Variants in MYT1L observed in about 807,000 individuals in gnomAD.
MYT1L encodes the protein myelin transcription factor 1-like protein.
A neutral mutation model predicts 126.7 loss-of-function variants in MYT1L; 12 were observed. The observed-to-expected ratio is 0.09, with a 90% CI of 0.06 to 0.15. The LOEUF (loss-of-function observed/expected upper bound fraction) is 0.15. MYT1L is among the 10% of genes least tolerant of loss of function. The pLI is 1.00. For synonymous variants in MYT1L, 541 were observed against 604.2 expected (o/e 0.90, Z 1.53); for missense variants, 979 against 1,585.2 (o/e 0.62, Z 6.49).
At chr2:2,234,827 C>G (rs539536639) in intron 2 of MYT1L, among the ~76,000 whole-genome samples, 46 of 152,324 alleles carry the variant, frequency 3.0e-4, no homozygotes, top group African/African-American at 1.1e-3. Flanking sequence ...ATTATTTAAA[C>G]AGGCTCTGAT....
At chr2:2,279,651 T>C (rs1193306050) in intron 2 of MYT1L, among the ~76,000 whole-genome samples, 2 of 152,140 alleles carry the variant, frequency 1.3e-5, no homozygotes, top group African/African-American at 4.8e-5. Flanking sequence ...ACCTGTTCCA[T>C]GCCCAGGTTG....
chr2:2,108,000 G>A (rs2078957023), intron 3 of MYT1L, among the ~76,000 whole-genome samples: 1 of 152,102 alleles, frequency 6.6e-6, no homozygotes. Context: ...CTAAGAAATC[G>A]GGGCATATGC....
chr2:2,186,487 T>C (rs1384120086), intron 2 of MYT1L, among the ~76,000 whole-genome samples: 1 of 152,238 alleles, frequency 6.6e-6, no homozygotes, highest in Non-Finnish European at 1.5e-5. Context: ...GAGAATCTCA[T>C]GCACCCATCC....
chr2:2,192,776 G>A (rs2092652491), intron 2 of MYT1L, among the ~76,000 whole-genome samples: 1 of 152,174 alleles, frequency 6.6e-6, no homozygotes, highest in East Asian at 1.9e-4. Flanking sequence ...GGTGATGGGA[G>A]CAGAGGCTGG....
At chr2:2,103,780 C>A (rs2078403340) in intron 3 of MYT1L, among the ~76,000 whole-genome samples, 2 of 152,248 alleles carry the variant, frequency 1.3e-5, no homozygotes, top group Admixed American at 6.5e-5. Context: ...GAAACAACAG[C>A]AAGATCTCAC....
Position 2,281,900 on chromosome 2 carries a change from G to A in MYT1L, c.-421+2504C>T, listed in dbSNP as rs562223406. 5.9e-5 allele frequency among the ~76,000 whole-genome samples: 9 copies of A among 152,228 alleles called. No homozygotes were observed. The East Asian group carries it at 1.5e-3, about 26-fold the overall frequency. On this transcript the variant is annotated intron_variant, in intron 2 of 24. Transcript: ENST00000647738. ...ATCTGTTCCTGGAAATATTCAAGAAGCAATAAAAAGGCTACTTTTTAGCGG... is the reference window on the plus strand; with the variant it reads ...ATCTGTTCCTGGAAATATTCAAGAAACAATAAAAAGGCTACTTTTTAGCGG...
At chr2:1,939,230 C>T (rs1215216840) in intron 9 of MYT1L, among the ~76,000 whole-genome samples, 3 of 152,194 alleles carry the variant, frequency 2.0e-5, no homozygotes, top group African/African-American at 2.4e-5. Flanking sequence ...TCTCAGGTCT[C>T]GTCTGTGCTT....
At chr2:2,069,252 G>A (rs1357517173) in intron 3 of MYT1L, among the ~76,000 whole-genome samples, 1 of 152,058 alleles carries the variant, frequency 6.6e-6, no homozygotes, top group Non-Finnish European at 1.5e-5. Flanking sequence ...GCCTTGGTGT[G>A]TGATGTTCCC....
In MYT1L at chr2:1,801,746, T is replaced by A. The variant is rs545876190; in HGVS notation, c.3226A>T (p.Asn1076Tyr). 6.2e-7 allele frequency: 1 copy of A among 1,612,664 alleles called. No individual in the cohort carries two copies. Among genetic ancestry groups the A allele is most frequent in the African/African-American group, 1.3e-5 (1 of 75,032 alleles). ...GCTTCCATCTGGGAATTGGATTCAT[T>A]TAGCTCCTTGATTTCTTCATCTAAC... ...KQLDEEIKEL[N>Y]ESNSQMEADM... The change falls in exon 23 of 25, where the codon AAT becomes TAT. Residue 1076 changes from asparagine to tyrosine, a missense_variant. By Grantham distance (143) the Asn-to-Tyr change is moderately radical. This residue lies in a region of MYT1L where 179 missense variants were observed against 398.6 expected (regional missense o/e 0.45). Transcript: ENST00000647738. This position sits in a 1 kb window ranked among gnomAD's most constrained non-coding sequence, Gnocchi z 4.2.
At chr2:1,934,291 C>CACATATATAT (rs1553335117) in intron 9 of MYT1L, among the ~76,000 whole-genome samples, 1 of 123,528 alleles carries the variant, frequency 8.1e-6, no homozygotes, top group African/African-American at 3.0e-5. Context: ...ATTTTTATAA[C>CACATATATAT]ATATATATAT....
At chr2:2,186,848 A>G (rs2092247311) in intron 2 of MYT1L, among the ~76,000 whole-genome samples, 1 of 152,240 alleles carries the variant, frequency 6.6e-6, no homozygotes. Context: ...GGTTAAGATC[A>G]ATTTATAATG....
At chr2:2,150,234 G>A (rs2085531213) in intron 3 of MYT1L, among the ~76,000 whole-genome samples, 1 of 152,166 alleles carries the variant, frequency 6.6e-6, no homozygotes, top group Non-Finnish European at 1.5e-5. Context: ...GCTCTCTAAG[G>A]TGAACTTGCT....
intron 22 of MYT1L, among the ~76,000 whole-genome samples, chr2:1,807,382 C>A (rs979142690): frequency 2.6e-5 from 4 of 152,124 alleles, no homozygotes; most frequent in African/African-American, 4.8e-5. Context: ...TGCCTGCATG[C>A]TTGGGAGCTG....
chr2:2,316,242 T>C (rs759232648), intron 1 of MYT1L, among the ~76,000 whole-genome samples: 3 of 152,176 alleles, frequency 2.0e-5, no homozygotes, highest in Non-Finnish European at 4.4e-5. Flanking sequence ...TTGGGGACAA[T>C]ATTCAGGCCC....
intron 3 of MYT1L, among the ~76,000 whole-genome samples, chr2:2,086,186 T>C (rs1427925223): frequency 1.3e-5 from 2 of 152,096 alleles, no homozygotes; most frequent in Non-Finnish European, 2.9e-5. Context: ...CAGTTTACTC[T>C]TTAGTAAGGC....
intron 4 of MYT1L, among the ~76,000 whole-genome samples, chr2:2,013,031 AGGTGCCCACGGGG>A (rs549569177): frequency 1.2e-4 from 19 of 152,352 alleles, no homozygotes; most frequent in African/African-American, 4.3e-4. Context: ...CCATGGTTTC[AGGTGCCCACGGGG>A]GGTCTTGGAA....
At chr2:2,232,256 G>A (rs2094178758) in intron 2 of MYT1L, among the ~76,000 whole-genome samples, 1 of 152,216 alleles carries the variant, frequency 6.6e-6, no homozygotes, top group Non-Finnish European at 1.5e-5. Context: ...AAAAGGAGAG[G>A]TGGGGTTTGA....
chr2:1,936,121 G>T (rs2055847765), intron 9 of MYT1L, among the ~76,000 whole-genome samples: 1 of 151,964 alleles, frequency 6.6e-6, no homozygotes, highest in Admixed American at 6.6e-5. Flanking sequence ...CAGGGTTTTG[G>T]CCTGTTGGCC....
At chr2:1,933,619 T>TGGATCTTCAAGCACACGTGTGTGC (rs1398528111) in intron 9 of MYT1L, among the ~76,000 whole-genome samples, 1 of 152,208 alleles carries the variant, frequency 6.6e-6, no homozygotes, top group East Asian at 1.9e-4. Context: ...GTGGTGCGTG[T>TGGATCTTCAAGCACACGTGTGTGC]GGCTCTTCAA....
Sources: gnomAD v4.1 joint callset for allele counts (sites outside exome capture counted in the v4.1 genomes callset) on GRCh38, gnomAD v4.1.1 for gene constraint, gnomAD v4.1.1 regional missense constraint, Gnocchi (gnomAD v3.1) non-coding constraint, MANE v1.5 for transcripts, NCBI Gene and HGNC (gene_info 2026-07-23, HGNC 2026-07-21) for gene names.